TEK: variants seen among roughly 807,000 people sequenced by gnomAD.
TEK encodes TEK receptor tyrosine kinase.
A neutral mutation model predicts 131.8 loss-of-function variants in TEK; 43 were observed. That is an observed-to-expected ratio of 0.33 (90% CI 0.26 to 0.42). The LOEUF (loss-of-function observed/expected upper bound fraction) is 0.42. Among genes scored for constraint, TEK ranks in the 10% least tolerant of loss-of-function variants. TEK has a pLI of 1.00. For missense variants in TEK, 1,162 were observed against 1,384.4 expected (o/e 0.84, Z 2.55); for synonymous variants, 580 against 491.6 (o/e 1.18, Z -2.38).
At chr9:27,212,988 CTTCT>C (rs1825690940) in intron 17 of TEK, 91 bp downstream of exon 17, 16 of 1,337,758 alleles carry the variant, frequency 1.2e-5, no homozygotes, top group Non-Finnish European at 1.7e-5. Flanking sequence ...GTCAACCTCT[CTTCT>C]TTAACTCCTT....
At chr9:27,211,006 C>T (rs1157714545) in intron 16 of TEK, among the ~76,000 whole-genome samples, 1 of 151,962 alleles carries the variant, frequency 6.6e-6, no homozygotes, top group East Asian at 1.9e-4. Context: ...CCTGTAGTCC[C>T]AGCTACTCGG....
At chr9:27,204,688 T>C (rs1442888253) in intron 13 of TEK, among the ~76,000 whole-genome samples, 2 of 146,434 alleles carry the variant, frequency 1.4e-5, no homozygotes, top group Non-Finnish European at 3.0e-5. Context: ...ACAGCACTTT[T>C]GCATGTTTTT....
intron 6 of TEK, among the ~76,000 whole-genome samples, chr9:27,174,094 T>G (rs1824075221): frequency 6.6e-6 from 1 of 152,216 alleles, no homozygotes; most frequent in Non-Finnish European, 1.5e-5. Flanking sequence ...CTTTCCCATT[T>G]GACCAGGCTC....
rs1244422240 is a variant in TEK, at chr9:27,109,551, T to C, written c.-40T>C. 1.2e-6 allele frequency: 2 copies of C among 1,611,406 alleles called. No individual in the cohort carries two copies. The highest frequency in any genetic ancestry group is 2.7e-5 in the African/African-American group (2 of 74,866). ...TTTTGAAAGGATCCTTGGGACCTCA[T>C]GCACATTTGTGGAAACTGGATGGAG... is the stretch of plus-strand genomic sequence containing the variant. On this transcript the variant is annotated 5_prime_UTR_variant, in exon 1 of 23. The change abolishes an upstream ATG in the 5' untranslated region. Transcript: ENST00000380036.
chr9:27,198,725 C>G (rs1196012303), intron 12 of TEK, among the ~76,000 whole-genome samples: 1 of 152,204 alleles, frequency 6.6e-6, no homozygotes, highest in African/African-American at 2.4e-5. Context: ...ACTGTTATCC[C>G]TATCTATTTC....
intron 1 of TEK, among the ~76,000 whole-genome samples, chr9:27,128,736 G>A (rs774468818): frequency 1.8e-4 from 28 of 152,028 alleles, no homozygotes; most frequent in Non-Finnish European, 2.6e-4. Flanking sequence ...TCTCTTTGTG[G>A]CAATTGTGAA....
chr9:27,142,724 A>C (rs1049128016), intron 1 of TEK, among the ~76,000 whole-genome samples: 4 of 152,202 alleles, frequency 2.6e-5, no homozygotes, highest in African/African-American at 9.6e-5. Flanking sequence ...TTGTTAGGAA[A>C]AAGGAAGAGT....
At chr9:27,145,945 G>C (rs1412326646) in intron 1 of TEK, among the ~76,000 whole-genome samples, 6 of 152,196 alleles carry the variant, frequency 3.9e-5, no homozygotes. Context: ...AAAGCAATAA[G>C]TGAATATCTT....
intron 14 of TEK, 34 bp from the exon 15 acceptor site, chr9:27,206,548 C>G: frequency 6.3e-7 from 1 of 1,597,314 alleles, no homozygotes; most frequent in East Asian, 2.3e-5. Context: ...ATGAAAAATC[C>G]TGACACAAAA....
chr9:27,165,660 AT>A (rs1281701736), intron 2 of TEK, among the ~76,000 whole-genome samples: 2 of 152,214 alleles, frequency 1.3e-5, no homozygotes, highest in Non-Finnish European at 2.9e-5. Context: ...TTACTTTTCA[AT>A]TACACATGAG....
chr9:27,169,113 G>C (rs1450985071), intron 3 of TEK, among the ~76,000 whole-genome samples: 1 of 152,188 alleles, frequency 6.6e-6, no homozygotes. Context: ...CCAGATTGGA[G>C]TAGCGATTAT....
rs1345167985 is a variant in TEK, at chr9:27,229,324, G to C, written c.*92G>C. The C allele has an allele frequency of 9.7e-6, 12 of 1,238,914 alleles. No homozygotes were observed. The highest frequency in any genetic ancestry group is 1.4e-5 in the Non-Finnish European group (12 of 841,348). The allele number at this position is 1,238,914 out of a possible 1,614,324, so 76.7% of individuals were successfully genotyped here. Reference sequence around the variant, plus strand: ...AAAACATGCCTCTGCCAAAGGATGTGATATATAAGTGTACATATGTGCTGT... The same window carrying C: ...AAAACATGCCTCTGCCAAAGGATGTCATATATAAGTGTACATATGTGCTGT... On this transcript the variant is annotated 3_prime_UTR_variant, in exon 23 of 23. Coordinates refer to ENST00000380036, the MANE Select transcript of TEK (RefSeq NM_000459.5).
At chr9:27,158,209 A>G (rs1823413019) in intron 2 of TEK, 67 bp downstream of exon 2, 2 of 1,590,418 alleles carry the variant, frequency 1.3e-6, no homozygotes, top group Non-Finnish European at 1.7e-6. Flanking sequence ...TTGTCTTGGC[A>G]GCTGCTCCCT....
At position 27,117,751 on chromosome 9, in the gene TEK, C is replaced by T. The variant is rs574143526; in HGVS notation, c.52+8109C>T. 1.2e-4 allele frequency among the ~76,000 whole-genome samples: 18 copies of T among 152,274 alleles called. No homozygotes were observed. In the East Asian group the frequency reaches 1.4e-3, roughly 11 times the overall value. ...CGTGGGGTTTGAAGGGCATCGTGGG[C>T]GGCTGTCATTTGCTCTCTGCTTGTC... On this transcript the variant is annotated intron_variant, in intron 1 of 22. Transcript: ENST00000380036.
intron 20 of TEK, among the ~76,000 whole-genome samples, chr9:27,219,343 T>C (rs1283379759): frequency 6.6e-6 from 1 of 152,184 alleles, no homozygotes; most frequent in Non-Finnish European, 1.5e-5. Flanking sequence ...TGCAGGACCA[T>C]GGATGAAGCT....
At chr9:27,199,494 C>A (rs1825144564) in intron 12 of TEK, among the ~76,000 whole-genome samples, 1 of 152,170 alleles carries the variant, frequency 6.6e-6, no homozygotes, top group Admixed American at 6.5e-5. Flanking sequence ...ATACCCATCT[C>A]TATGTCTATA....
At chr9:27,217,457 G>GCACACT (rs1176417175) in intron 18 of TEK, among the ~76,000 whole-genome samples, 8 of 152,194 alleles carry the variant, frequency 5.3e-5, no homozygotes. Context: ...TACCATGCGT[G>GCACACT]CACACTCACA....
At chr9:27,149,199 G>A (rs76770660) in intron 1 of TEK, among the ~76,000 whole-genome samples, 6,267 of 152,180 alleles carry the variant, frequency 0.041, 197 homozygotes, top group African/African-American at 0.069. Flanking sequence ...GAGATACAGC[G>A]ATGGGCAAAA....
In TEK at chr9:27,229,943, T is replaced by G. The variant is rs1007741322; in HGVS notation, c.*711T>G. 3.9e-5 allele frequency: 6 copies of G among 152,396 alleles called. No individual in the cohort carries two copies. The highest frequency in any genetic ancestry group is 1.3e-4 in the Admixed American group (2 of 15,298). 9.4% of individuals were successfully genotyped at this position (152,396 alleles called of 1,614,324 possible). Reference sequence around the variant, plus strand: ...TAAGTTTAGGATAAAATAATGGGATTTTCTTTTCTTTTCTCTGGTAATATT... The same window carrying G: ...TAAGTTTAGGATAAAATAATGGGATGTTCTTTTCTTTTCTCTGGTAATATT... On this transcript the variant is annotated 3_prime_UTR_variant, in exon 23 of 23. Transcript: ENST00000380036.
Sources: allele counts gnomAD v4.1 joint callset (sites outside exome capture counted in the v4.1 genomes callset), GRCh38; gene constraint gnomAD v4.1.1; transcripts MANE v1.5; gene names NCBI Gene and HGNC (gene_info 2026-07-23, HGNC 2026-07-21).